Variants in KIFBP observed in about 807,000 individuals in gnomAD.
KIFBP encodes KIF-binding protein.
Under a neutral mutation model 58.9 loss-of-function variants are expected in KIFBP, and 46 were observed. That is an observed-to-expected ratio of 0.78 (90% confidence interval 0.62 to 1.00). The LOEUF (loss-of-function observed/expected upper bound fraction) is 1.00, where lower values mean the gene tolerates loss of function less well. KIFBP is among the 50% of genes least tolerant of loss of function. The pLI is 0.00. For synonymous variants in KIFBP, 241 were observed against 283.4 expected (o/e 0.85, Z 1.50); for missense variants, 651 against 752.9 (o/e 0.86, Z 1.58).
chr10:69,013,504 T>C (rs186405384), intron 6 of KIFBP, among the ~76,000 whole-genome samples: 2 of 152,198 alleles, frequency 1.3e-5, no homozygotes, highest in East Asian at 1.9e-4. Context: ...AGCAAAACAG[T>C]AGGCTAATTT....
chr10:68,995,105 G>A (rs1843391214), intron 1 of KIFBP: 1 of 151,874 alleles, frequency 6.6e-6, no homozygotes, highest in African/African-American at 2.4e-5. Context: ...TGCAACCTCT[G>A]CTTTCTGGGC....
At position 69,004,557 on chromosome 10, in the gene KIFBP, T is replaced by C. The variant is rs561072189; in HGVS notation, c.526-489T>C. Reference sequence around the variant, plus strand: ...TCTTTTATTTGTTTGACTCAGATTTTATGGTTAAGAAAATTACTTGTTGAG... The same window carrying C: ...TCTTTTATTTGTTTGACTCAGATTTCATGGTTAAGAAAATTACTTGTTGAG... On this transcript the variant is annotated intron_variant, in intron 2 of 6. Coordinates refer to ENST00000361983, the MANE Select transcript of KIFBP (RefSeq NM_015634.4). Among the ~76,000 whole-genome samples the C allele has an allele frequency of 1.7e-4, 26 of 152,224 alleles. No individual in the cohort carries two copies. In the South Asian group the frequency reaches 5.4e-3, roughly 32 times the overall value.
chr10:69,001,979 G>A (rs1028287052), intron 2 of KIFBP, among the ~76,000 whole-genome samples: 1 of 152,034 alleles, frequency 6.6e-6, no homozygotes, highest in Non-Finnish European at 1.5e-5. Context: ...AGACCAGCCT[G>A]CGCAACACAG....
chr10:69,006,319 A>G (rs1843535927), intron 4 of KIFBP, among the ~76,000 whole-genome samples: 1 of 152,210 alleles, frequency 6.6e-6, no homozygotes, highest in Non-Finnish European at 1.5e-5. Flanking sequence ...GTGGGCTTTG[A>G]TAAAAGCATG....
rs749110699 is a variant in KIFBP at position 69,005,907 on chromosome 10, A to G, written c.781A>G (p.Ile261Val). 2.1e-5 allele frequency: 34 copies of G among 1,613,590 alleles called. No homozygotes were observed. In the African/African-American group the frequency reaches 2.3e-4, roughly 11 times the overall value. ...TGCTGCTACCTTGTCACAGTTTTAC[A>G]TCAATAAGGTAAGCTTCTTGAAGTA... ...INAATLSQFY[I>V]NKLCFMEARH... The change falls in exon 4 of 7, where the codon ATC becomes GTC. Residue 261 changes from isoleucine to valine, a missense_variant. By Grantham distance (29) the Ile-to-Val change is conservative. Coordinates refer to ENST00000361983, the MANE Select transcript of KIFBP (RefSeq NM_015634.4).
At chr10:69,012,569 T>C (rs959547603) in intron 6 of KIFBP, among the ~76,000 whole-genome samples, 16 of 152,064 alleles carry the variant, frequency 1.1e-4, no homozygotes, top group African/African-American at 3.6e-4. Context: ...CTTTAGTGGT[T>C]GTATTAGTCT....
At chr10:69,007,197 A>G (rs866898535) in intron 4 of KIFBP, among the ~76,000 whole-genome samples, 9 of 152,348 alleles carry the variant, frequency 5.9e-5, no homozygotes, top group Middle Eastern at 3.4e-3. Context: ...GTTAAGCATT[A>G]CTTATGTGGA....
intron 2 of KIFBP, 103 bp from the exon 3 acceptor site, chr10:69,004,943 T>C (rs1476863252): frequency 2.7e-6 from 2 of 732,042 alleles, no homozygotes; most frequent in Non-Finnish European, 4.8e-6. Flanking sequence ...AAAAATGAAA[T>C]GTATTTGGCT....
chr10:69,002,346 A>C, intron 2 of KIFBP, among the ~76,000 whole-genome samples: 1 of 151,432 alleles, frequency 6.6e-6, no homozygotes, highest in Non-Finnish European at 1.5e-5. Flanking sequence ...TTTTATAGAG[A>C]CCGGGTTTCA....
At chr10:69,008,233 AG>A (rs1238398065) in intron 4 of KIFBP, among the ~76,000 whole-genome samples, 7 of 151,424 alleles carry the variant, frequency 4.6e-5, no homozygotes, top group Admixed American at 4.6e-4. Context: ...AGACCTGTTT[AG>A]GCAACATAGA....
At chr10:68,999,586 C>T (rs550201775) in intron 1 of KIFBP, 18 of 152,224 alleles carry the variant, frequency 1.2e-4, no homozygotes, top group African/African-American at 4.1e-4. Flanking sequence ...AAGACTGGGA[C>T]GCCGGGAGGA....
rs764494346 is a variant in KIFBP at position 69,015,985 on chromosome 10, C to G, written c.1435C>G (p.His479Asp). The change falls in exon 7 of 7, where the codon CAT (histidine) becomes GAT (aspartate). Residue 479 changes from histidine (H) to aspartate (D), a missense_variant. Transcript: ENST00000361983. ...VNRQIQFEIAHAYYDMMDLKV... is the reference protein window; with the variant it reads ...VNRQIQFEIADAYYDMMDLKV... ...CAGACAGATCCAGTTTGAAATTGCA[C>G]ATGCTTACTATGATATGATGGATTT... The G allele has an allele frequency of 6.2e-7, 1 of 1,614,124 alleles. No individual in the cohort carries two copies. The highest frequency in any genetic ancestry group is 8.5e-7 in the Non-Finnish European group (1 of 1,180,000).
intron 4 of KIFBP, among the ~76,000 whole-genome samples, chr10:69,008,391 A>AAAAAATATATATATATATATATAT: frequency 5.6e-5 from 4 of 71,586 alleles, no homozygotes; most frequent in African/African-American, 3.1e-4. Context: ...AAAAAAAAAA[A>AAAAAATATATATATATATATATAT]ATATATATAT....
chr10:68,998,771 ATTTTT>A (rs869186033), intron 1 of KIFBP, among the ~76,000 whole-genome samples: 1 of 99,864 alleles, frequency 1.0e-5, no homozygotes, highest in African/African-American at 3.7e-5. Flanking sequence ...ATATATATAT[ATTTTT>A]TTTTTTTTTT....
chr10:69,005,019 A>G, intron 2 of KIFBP, 27 bp from the exon 3 acceptor site: 1 of 1,575,416 alleles, frequency 6.3e-7, no homozygotes, highest in Non-Finnish European at 8.7e-7. Flanking sequence ...TAAAACTTTA[A>G]AGAGCTTTTG....
At chr10:68,996,821 C>G (rs918044205) in intron 1 of KIFBP, among the ~76,000 whole-genome samples, 2 of 152,022 alleles carry the variant, frequency 1.3e-5, no homozygotes, top group Non-Finnish European at 2.9e-5. Context: ...CCACTGCACT[C>G]CAGCCTGGGC....
chr10:68,999,413 T>TAA (rs529179791), intron 1 of KIFBP, among the ~76,000 whole-genome samples: 26 of 150,228 alleles, frequency 1.7e-4, no homozygotes, highest in East Asian at 2.0e-4. Flanking sequence ...CTTTTTTTTT[T>TAA]AAAAAAAAAG....
chr10:68,991,958 CTTTT>C (rs1293472919), intron 1 of KIFBP, among the ~76,000 whole-genome samples: 1 of 147,782 alleles, frequency 6.8e-6, no homozygotes, highest in Non-Finnish European at 1.5e-5. Flanking sequence ...GATACACTTT[CTTTT>C]TTATGTGGGT....
intron 4 of KIFBP, among the ~76,000 whole-genome samples, chr10:69,008,009 G>A (rs1283022259): frequency 6.6e-6 from 1 of 152,066 alleles, no homozygotes; most frequent in African/African-American, 2.4e-5. Context: ...AAAACTTGGT[G>A]GGAAGCCTTA....
Sources: gnomAD v4.1 joint callset for allele counts (sites outside exome capture counted in the v4.1 genomes callset) on GRCh38, gnomAD v4.1.1 for gene constraint, MANE v1.5 for transcripts, NCBI Gene and HGNC (gene_info 2026-07-23, HGNC 2026-07-21) for gene names.